The following ADSS2 variants were observed in gnomAD, a reference collection of about 807,000 sequenced individuals.
ADSS2 encodes adenylosuccinate synthetase isozyme 2.
In ADSS2, 30 loss-of-function variants were observed where a neutral mutation model predicts 60.0. That is an observed-to-expected ratio of 0.50 (90% CI 0.37 to 0.68). ADSS2 has a LOEUF of 0.68. Among genes scored for constraint, ADSS2 ranks in the 30% least tolerant of loss-of-function variants. The probability of loss-of-function intolerance (pLI) is 0.00; values close to 1 mark genes in which losing one functional copy is unlikely to be tolerated. For synonymous variants in ADSS2, 187 were observed against 193.1 expected (o/e 0.97, Z 0.26); for missense variants, 373 against 554.8 (o/e 0.67, Z 3.29).
Position 244,409,438 on chromosome 1 carries a change from G to T in ADSS2, c.*148C>A. The T allele has an allele frequency of 1.7e-6, 1 of 595,580 alleles. No homozygotes were observed. 36.9% of individuals were successfully genotyped at this position (595,580 alleles called of 1,614,324 possible). ...ATGCCAAAGTTAATCTCCACAGTAG[G>T]CATCCATCTGAAAAGACTGGAAACA... On this transcript the variant is annotated 3_prime_UTR_variant, in exon 13 of 13. Coordinates refer to ENST00000366535, the MANE Select transcript of ADSS2 (RefSeq NM_001126.5).
chr1:244,429,577 T>C (rs1424859894), intron 4 of ADSS2, among the ~76,000 whole-genome samples: 3 of 152,322 alleles, frequency 2.0e-5, no homozygotes, highest in South Asian at 4.1e-4. Flanking sequence ...TTTTCACTAT[T>C]ATAGAATTGA....
At chr1:244,437,817 A>C in intron 1 of ADSS2, 49 bp from the exon 2 acceptor site, 2 of 1,331,260 alleles carry the variant, frequency 1.5e-6, no homozygotes, top group Non-Finnish European at 2.2e-6. Context: ...AATACTACAA[A>C]TAACCTATCT....
Position 244,451,511 on chromosome 1 carries a change from G to A in ADSS2, c.183+124C>T, listed in dbSNP as rs549819402. ...CCGCAGCTCAGGACAGGAGGAGAGA[G>A]CCTCAAGGTGACACCTCATTTTGGC... On this transcript the variant is annotated intron_variant, in intron 1 of 12. Transcript: ENST00000366535. The surrounding 1 kb of genome is among the most constrained non-coding windows in gnomAD (Gnocchi z 6.6). 723 of 1,070,872 alleles carry A rather than the reference G, an allele frequency of 6.8e-4. 13 individuals carry two copies. The South Asian group carries it at 0.011, about 16-fold the overall frequency. 66.3% of individuals were successfully genotyped at this position (1,070,872 alleles called of 1,614,324 possible). A position where few individuals can be genotyped will look rare whatever the true frequency, so the allele number is the denominator to read the frequency against.
intron 4 of ADSS2, among the ~76,000 whole-genome samples, chr1:244,426,552 C>T (rs1429194360): frequency 6.6e-6 from 1 of 152,048 alleles, no homozygotes; most frequent in Non-Finnish European, 1.5e-5. Context: ...CAAAAAAAAC[C>T]ATCATAACTG....
chr1:244,433,669 C>A (rs1404713556), intron 3 of ADSS2, among the ~76,000 whole-genome samples: 1 of 152,024 alleles, frequency 6.6e-6, no homozygotes, highest in African/African-American at 2.4e-5. Flanking sequence ...ACCATCCTGA[C>A]CAACATGGTG....
intron 4 of ADSS2, among the ~76,000 whole-genome samples, chr1:244,427,650 A>C (rs1664838261): frequency 6.6e-6 from 1 of 152,170 alleles, no homozygotes. Flanking sequence ...GCAAACAGTA[A>C]TCTTAAGGCA....
intron 1 of ADSS2, among the ~76,000 whole-genome samples, chr1:244,445,019 C>A (rs1338447535): frequency 3.9e-5 from 6 of 152,142 alleles, no homozygotes; most frequent in Non-Finnish European, 5.9e-5. Flanking sequence ...ATGTTCCAAC[C>A]TGAGCCAGTC....
rs1399820374 is a variant in ADSS2 at position 244,451,871 on chromosome 1, C to G, written c.-54G>C. 2 of 1,472,644 alleles carry G rather than the reference C, an allele frequency of 1.4e-6. No homozygotes were observed. Among genetic ancestry groups the G allele is most frequent in the Non-Finnish European group, 1.8e-6 (2 of 1,109,234 alleles). The allele number at this position is 1,472,644 out of a possible 1,614,324, so 91.2% of individuals were successfully genotyped here. On this transcript the variant is annotated 5_prime_UTR_variant, in exon 1 of 13. Transcript: ENST00000366535. The surrounding 1 kb of genome is among the most constrained non-coding windows in gnomAD (Gnocchi z 6.6). ...GGAGAGGCGGCCGGCGAGGAGTGAG[C>G]GAACTGAACTGCTCTGCGGCCGCCA... is the stretch of plus-strand genomic sequence containing the variant.
At chr1:244,442,788 C>T (rs994207618) in intron 1 of ADSS2, among the ~76,000 whole-genome samples, 7 of 152,092 alleles carry the variant, frequency 4.6e-5, no homozygotes, top group Non-Finnish European at 7.4e-5. Context: ...ATTTGAAGTG[C>T]CCATTTGGAT....
In ADSS2 at chr1:244,416,031, T is replaced by C. The variant is rs1183164082; in HGVS notation, c.1118A>G (p.Lys373Arg). Reference protein sequence around the residue: ...LDILDMFTEIKVGVAYKLDGE... With the variant: ...LDILDMFTEIRVGVAYKLDGE... ...ATCTAACTTGTAAGCAACTCCAACT[T>C]TGATTTCCGTAAACATGTCCAAAAT... Residue 373 changes from lysine (K) to arginine (R), a missense_variant, in exon 11 of 13, where the codon AAA becomes AGA. Physicochemically the swap from Lys to Arg is conservative, Grantham distance 26. Coordinates refer to ENST00000366535, the MANE Select transcript of ADSS2 (RefSeq NM_001126.5). 1.2e-6 allele frequency: 2 copies of C among 1,613,922 alleles called. No homozygotes were observed. The highest frequency in any genetic ancestry group is 3.3e-4 in the Middle Eastern group (2 of 6,062).
At chr1:244,411,591 C>T (rs1418507089) in intron 11 of ADSS2, among the ~76,000 whole-genome samples, 155 bp from the exon 12 acceptor site, 2 of 152,174 alleles carry the variant, frequency 1.3e-5, no homozygotes, top group East Asian at 1.9e-4. Flanking sequence ...GGTAAAACAG[C>T]GCAAATACCA....
chr1:244,448,990 C>T (rs546585169), intron 1 of ADSS2, among the ~76,000 whole-genome samples: 3 of 152,254 alleles, frequency 2.0e-5, no homozygotes, highest in Non-Finnish European at 4.4e-5. Context: ...TAATTCTTCT[C>T]TCTTCTTCTT....
chr1:244,415,628 T>C (rs1393651353), intron 11 of ADSS2, among the ~76,000 whole-genome samples: 1 of 152,210 alleles, frequency 6.6e-6, no homozygotes, highest in African/African-American at 2.4e-5. Flanking sequence ...GGGCTCTTCT[T>C]ACCCCTCTTC....
At chr1:244,448,012 G>C (rs1665437061) in intron 1 of ADSS2, among the ~76,000 whole-genome samples, 1 of 152,072 alleles carries the variant, frequency 6.6e-6, no homozygotes, top group Non-Finnish European at 1.5e-5. Flanking sequence ...ACCAAGTATA[G>C]TATAACAGAC....
intron 3 of ADSS2, among the ~76,000 whole-genome samples, chr1:244,435,896 G>C (rs1416566313): frequency 6.6e-6 from 1 of 152,204 alleles, no homozygotes; most frequent in African/African-American, 2.4e-5. Context: ...CAACGAAGCA[G>C]GCTTCCAGTC....
chr1:244,423,158 G>C (rs1204966889), intron 6 of ADSS2, among the ~76,000 whole-genome samples: 2 of 152,174 alleles, frequency 1.3e-5, no homozygotes, highest in Non-Finnish European at 2.9e-5. Context: ...AAGGTGATAT[G>C]TGTGTAGGGA....
At chr1:244,447,585 G>A (rs1453131668) in intron 1 of ADSS2, among the ~76,000 whole-genome samples, 2 of 152,178 alleles carry the variant, frequency 1.3e-5, no homozygotes, top group African/African-American at 4.8e-5. Context: ...GTCGAAATAT[G>A]TTGAGGAGAT....
chr1:244,432,660 C>CTTTTTTTTT (rs532312490), intron 3 of ADSS2, 65 bp from the exon 4 acceptor site: 24 of 387,298 alleles, frequency 6.2e-5, no homozygotes, highest in African/African-American at 1.1e-4. Flanking sequence ...ATCTTAATTT[C>CTTTTTTTTT]TTTTTTTTTT....
intron 3 of ADSS2, among the ~76,000 whole-genome samples, chr1:244,434,581 C>A (rs2148006273): frequency 6.6e-6 from 1 of 152,250 alleles, no homozygotes; most frequent in South Asian, 2.1e-4. Context: ...TATTAAGCCT[C>A]CCCTTCTACG....
Sources: allele counts gnomAD v4.1 joint callset (sites outside exome capture counted in the v4.1 genomes callset), GRCh38; gene constraint gnomAD v4.1.1; non-coding constraint Gnocchi (gnomAD v3.1); transcripts MANE v1.5; gene names NCBI Gene and HGNC (gene_info 2026-07-23, HGNC 2026-07-21).